Variants in CCSER1 observed in about 807,000 individuals in gnomAD.
The protein encoded by CCSER1 is coiled-coil serine rich protein 1, also known as serine-rich coiled-coil domain-containing protein 1.
A neutral mutation model predicts 82.0 loss-of-function variants in CCSER1; 41 were observed. That is an observed-to-expected ratio of 0.50 (90% confidence interval 0.39 to 0.65). The LOEUF is 0.65. Among genes scored for constraint, CCSER1 ranks in the 30% least tolerant of loss-of-function variants. CCSER1 has a pLI of 0.00. For synonymous variants in CCSER1, 414 were observed against 383.9 expected, an observed-to-expected ratio of 1.08 and a Z score of -0.92; for missense variants, 1,119 against 1,064.2, an observed-to-expected ratio of 1.05 and a Z score of -0.72.
intron 5 of CCSER1, among the ~76,000 whole-genome samples, chr4:90,502,715 G>GA (rs1770100722): frequency 2.0e-5 from 3 of 152,192 alleles, no homozygotes; most frequent in Admixed American, 2.0e-4. Context: ...AAGCATTTGA[G>GA]AAAAAATATA....
intron 6 of CCSER1, among the ~76,000 whole-genome samples, chr4:90,634,577 T>A (rs1357595207): frequency 6.6e-6 from 1 of 151,790 alleles, no homozygotes; most frequent in Non-Finnish European, 1.5e-5. Context: ...TCAAAGGGCA[T>A]TAATAAGGAT....
chr4:90,518,806 T>A (rs949238972), intron 5 of CCSER1, among the ~76,000 whole-genome samples: 13 of 151,912 alleles, frequency 8.6e-5, no homozygotes, highest in Non-Finnish European at 1.2e-4. Context: ...TATATATCTT[T>A]ATATAAGGAT....
chr4:91,567,575 A>T (rs1324261858), intron 10 of CCSER1, among the ~76,000 whole-genome samples: 1 of 152,142 alleles, frequency 6.6e-6, no homozygotes, highest in African/African-American at 2.4e-5. Context: ...TGTTGTGTGC[A>T]TATATATTTA....
At chr4:90,992,072 C>G (rs903096475) in intron 9 of CCSER1, among the ~76,000 whole-genome samples, 1 of 152,066 alleles carries the variant, frequency 6.6e-6, no homozygotes, top group African/African-American at 2.4e-5. Context: ...TTAAGTACAA[C>G]TTTTAGTTTT....
intron 10 of CCSER1, among the ~76,000 whole-genome samples, chr4:91,527,150 G>A (rs1383818788): frequency 6.6e-6 from 1 of 152,178 alleles, no homozygotes; most frequent in African/African-American, 2.4e-5. Context: ...AAGAGAAAAT[G>A]ATATTTTGGG....
At chr4:90,374,747 T>C (rs964464146) in intron 3 of CCSER1, among the ~76,000 whole-genome samples, 1 of 152,202 alleles carries the variant, frequency 6.6e-6, no homozygotes, top group Non-Finnish European at 1.5e-5. Context: ...ATTACAATGC[T>C]ATTCCAGTTA....
At position 91,365,169 on chromosome 4, in the gene CCSER1, T is replaced by C. The variant is rs115697904; in HGVS notation, c.2218-233403T>C. 6.2e-3 allele frequency among the ~76,000 whole-genome samples: 941 copies of C among 152,310 alleles called. 14 individuals carry two copies. Among genetic ancestry groups the C allele is most frequent in the African/African-American group, 0.021 (879 of 41,582 alleles). On this transcript the variant is annotated intron_variant, in intron 10 of 10. Coordinates refer to ENST00000509176, the MANE Select transcript of CCSER1 (RefSeq NM_001145065.2). The stretch of plus-strand genomic sequence containing the variant: ...TTATTTATGAGAGGCTTTCAGTGTA[T>C]TTTTCACATATGTATTATTAGGGCA...
chr4:90,590,772 G>T (rs1782596100), intron 5 of CCSER1, among the ~76,000 whole-genome samples: 1 of 152,040 alleles, frequency 6.6e-6, no homozygotes, highest in South Asian at 2.1e-4. Flanking sequence ...AATTGTCTTG[G>T]TTATATGGGC....
chr4:90,163,767 G>T (rs1328319185), intron 1 of CCSER1, among the ~76,000 whole-genome samples: 1 of 151,936 alleles, frequency 6.6e-6, no homozygotes, highest in Non-Finnish European at 1.5e-5. Context: ...TTCCAGATTT[G>T]CTCCCCAAAG....
At chr4:91,483,331 A>G (rs1758048421) in intron 10 of CCSER1, among the ~76,000 whole-genome samples, 1 of 152,190 alleles carries the variant, frequency 6.6e-6, no homozygotes, top group African/African-American at 2.4e-5. Context: ...TGAAGGGATT[A>G]TTAAGCTTTC....
At chr4:90,390,864 T>C (rs983733232) in intron 3 of CCSER1, among the ~76,000 whole-genome samples, 7 of 152,174 alleles carry the variant, frequency 4.6e-5, no homozygotes, top group African/African-American at 7.2e-5. Context: ...ATCTCCAAAC[T>C]CTTTTCCATA....
At chr4:91,527,553 A>C (rs2110159015) in intron 10 of CCSER1, among the ~76,000 whole-genome samples, 1 of 152,320 alleles carries the variant, frequency 6.6e-6, no homozygotes, top group Non-Finnish European at 1.5e-5. Context: ...GGAGAAAAAA[A>C]TGGGAATATT....
chr4:91,476,984 G>T (rs1757631473), intron 10 of CCSER1, among the ~76,000 whole-genome samples: 1 of 151,630 alleles, frequency 6.6e-6, no homozygotes, highest in Admixed American at 6.6e-5. Context: ...TTGGGGAAAT[G>T]CTCCAGGACA....
chr4:90,543,429 T>A (rs551057891), intron 5 of CCSER1, among the ~76,000 whole-genome samples: 2 of 152,180 alleles, frequency 1.3e-5, no homozygotes, highest in East Asian at 3.8e-4. Flanking sequence ...TAGTCATAAA[T>A]GTTTCTAGAT....
In CCSER1 at chr4:91,201,766, T is replaced by A. The variant is rs1027443265; in HGVS notation, c.2217+115772T>A. Among the ~76,000 whole-genome samples, 4 of 152,032 alleles carry A rather than the reference T, an allele frequency of 2.6e-5. No homozygotes were observed. The East Asian group carries it at 7.7e-4, about 29-fold the overall frequency. ...TGGTATTGTTGACTGGTATAAGTGC[T>A]ATGATGCAAATAAGTATTTCTTTTC... On this transcript the variant is annotated intron_variant, in intron 10 of 10. Transcript: ENST00000509176.
chr4:90,537,970 T>C (rs1775621177), intron 5 of CCSER1, among the ~76,000 whole-genome samples: 1 of 152,198 alleles, frequency 6.6e-6, no homozygotes, highest in South Asian at 2.1e-4. Flanking sequence ...TTAAATTGCA[T>C]CTACTGTATC....
intron 1 of CCSER1, 137 bp downstream of exon 1, chr4:90,127,968 C>G (rs1722079063): frequency 6.6e-6 from 1 of 151,734 alleles, no homozygotes; most frequent in Non-Finnish European, 1.5e-5. Flanking sequence ...GCGAGCAGCG[C>G]GCGCCCAGGC....
Position 91,551,512 on chromosome 4 carries a change from A to G in CCSER1, c.2218-47060A>G, listed in dbSNP as rs75444336. Among the ~76,000 whole-genome samples the G allele has an allele frequency of 4.3e-3, 649 of 152,264 alleles. 6 individuals carry two copies. The highest frequency in any genetic ancestry group is 0.014 in the African/African-American group (602 of 41,574). On this transcript the variant is annotated intron_variant, in intron 10 of 10. Coordinates refer to ENST00000509176, the MANE Select transcript of CCSER1 (RefSeq NM_001145065.2). ...TAGGTAAAGTTGAAAACCACTGGAT[A>G]CAGTCCAATAGAGACTTCCAAAGAC...
chr4:90,970,945 A>T (rs1027363330), intron 9 of CCSER1, among the ~76,000 whole-genome samples: 1 of 152,108 alleles, frequency 6.6e-6, no homozygotes, highest in South Asian at 2.1e-4. Context: ...TTTTATATCA[A>T]TAAATGCCCA....
Sources: gnomAD v4.1 joint callset for allele counts (sites outside exome capture counted in the v4.1 genomes callset) on GRCh38, gnomAD v4.1.1 for gene constraint, MANE v1.5 for transcripts, NCBI Gene and HGNC (gene_info 2026-07-23, HGNC 2026-07-21) for gene names.